NUDT1: variants seen among roughly 807,000 people sequenced by gnomAD.
NUDT1 encodes oxidized purine nucleoside triphosphate hydrolase.
In NUDT1, 16 loss-of-function variants were observed where a neutral mutation model predicts 11.3. The ratio of observed to expected loss-of-function variants is 1.41; its 90% CI spans 0.96 to 2.15. NUDT1 has a LOEUF of 2.15. NUDT1 is among the 30% of genes most tolerant of loss of function. The pLI, the probability that NUDT1 is intolerant of heterozygous loss-of-function variation, is 0.00. For synonymous variants in NUDT1, 101 were observed against 84.4 expected, an observed-to-expected ratio of 1.20 and a Z score of -1.08; for missense variants, 234 against 208.4, an observed-to-expected ratio of 1.12 and a Z score of -0.76.
rs370355629 is a variant in NUDT1, at chr7:2,249,985, C to A, written c.281C>A (p.Thr94Asn). Residue 94 changes from threonine (T) to asparagine (N), a missense_variant, in exon 3 of 4, where the codon ACC becomes AAC. Coordinates refer to ENST00000356714, the MANE Select transcript of NUDT1 (RefSeq NM_002452.4). ...TTCTGCACAGACAGCATCCAGGGGA[C>A]CCCCGTGGAGAGCGACGGTGAGTCT... is the stretch of plus-strand genomic sequence containing the variant. ...HVFCTDSIQG[T>N]PVESDEMRPC... The A allele has an allele frequency of 4.3e-6, 7 of 1,614,074 alleles. No homozygotes were observed. The highest frequency in any genetic ancestry group is 3.3e-5 in the South Asian group (3 of 91,086).
At chr7:2,244,900 A>C (rs184752010) in intron 2 of NUDT1, among the ~76,000 whole-genome samples, 174 bp downstream of exon 2, 2 of 152,298 alleles carry the variant, frequency 1.3e-5, no homozygotes, top group African/African-American at 2.4e-5. Flanking sequence ...AGCCCTTCGG[A>C]CTCTTGTGAA....
rs1221803598 is a variant in NUDT1 at position 2,244,501 on chromosome 7, CCCTGGCA to C, written c.-12-60_-12-54del. 3.1e-5 allele frequency: 45 copies of C among 1,460,528 alleles called. No homozygotes were observed. The African/African-American group carries it at 5.4e-4, about 18-fold the overall frequency. The allele number at this position is 1,460,528 out of a possible 1,614,324, so 90.5% of individuals were successfully genotyped here. On this transcript the variant is annotated intron_variant, in intron 1 of 3. Coordinates refer to ENST00000356714, the MANE Select transcript of NUDT1 (RefSeq NM_002452.4). The stretch of plus-strand genomic sequence containing the variant: ...CAGAGCACGTCCCCTTCCTCCTGGC[CCCTGGCA>C]CGTGCTTCCTCCACGCACGTCATGG...
At chr7:2,243,638 C>T (rs1040095349) in intron 1 of NUDT1, among the ~76,000 whole-genome samples, 2 of 152,156 alleles carry the variant, frequency 1.3e-5, no homozygotes, top group Non-Finnish European at 1.5e-5. Flanking sequence ...CTGGGTGTGG[C>T]GGCTCATGCC....
At chr7:2,249,703 G>A in intron 2 of NUDT1, 154 bp from the exon 3 acceptor site, 1 of 880,094 alleles carries the variant, frequency 1.1e-6, no homozygotes, top group African/African-American at 1.7e-5. Flanking sequence ...GTCGGGACCA[G>A]ATAATGCATT....
At chr7:2,242,666 C>G (rs567249553) in intron 1 of NUDT1, 171 of 382,654 alleles carry the variant, frequency 4.5e-4, no homozygotes, top group African/African-American at 2.8e-3. Flanking sequence ...CCTTGTCCTC[C>G]TCGAAGGGCG....
intron 1 of NUDT1, chr7:2,243,089 TCTC>T (rs1197610588): frequency 2.8e-6 from 2 of 705,460 alleles, no homozygotes; most frequent in African/African-American, 1.8e-5. Context: ...CAGCCTGGGC[TCTC>T]CTCTGACCGC....
At chr7:2,246,379 C>T (rs950301840) in intron 2 of NUDT1, among the ~76,000 whole-genome samples, 1 of 152,182 alleles carries the variant, frequency 6.6e-6, no homozygotes, top group African/African-American at 2.4e-5. Context: ...GGAAAATGCT[C>T]TGAGGGCCTG....
chr7:2,246,342 A>C (rs1036962358), intron 2 of NUDT1, among the ~76,000 whole-genome samples: 4 of 152,188 alleles, frequency 2.6e-5, no homozygotes, highest in South Asian at 4.2e-4. Flanking sequence ...CCTCCAGGAG[A>C]AAGGAAGGGA....
chr7:2,250,170 C>T (rs1794931572), intron 3 of NUDT1, among the ~76,000 whole-genome samples, 168 bp downstream of exon 3: 1 of 152,232 alleles, frequency 6.6e-6, no homozygotes, highest in Non-Finnish European at 1.5e-5. Context: ...GTCTCTGCAC[C>T]GAGGCTCCAG....
At chr7:2,244,316 G>A (rs956004868) in intron 1 of NUDT1, among the ~76,000 whole-genome samples, 7 of 152,104 alleles carry the variant, frequency 4.6e-5, no homozygotes, top group Non-Finnish European at 7.4e-5. Context: ...GGAAGGTAGC[G>A]CCGGCCTCTG....
intron 1 of NUDT1, among the ~76,000 whole-genome samples, chr7:2,243,402 C>G (rs1226414247): frequency 6.6e-6 from 1 of 152,212 alleles, no homozygotes; most frequent in Non-Finnish European, 1.5e-5. Flanking sequence ...CATCTGGTCC[C>G]TTTTCTCAGA....
chr7:2,244,002 G>A (rs569546005), intron 1 of NUDT1, among the ~76,000 whole-genome samples: 1 of 152,214 alleles, frequency 6.6e-6, no homozygotes, highest in South Asian at 2.1e-4. Context: ...TCACAGGAGG[G>A]AGGACTAGCC....
chr7:2,242,456 A>T, intron 1 of NUDT1, 200 bp downstream of exon 1: 1 of 492,614 alleles, frequency 2.0e-6, no homozygotes, highest in Non-Finnish European at 3.6e-6. Flanking sequence ...GGAGAGAGAC[A>T]AGGAGAGCGG....
intron 1 of NUDT1, chr7:2,242,622 C>A: frequency 3.0e-6 from 1 of 332,606 alleles, no homozygotes; most frequent in South Asian, 5.6e-5. Flanking sequence ...GCCTCCGCCA[C>A]CAGGACCCAG....
chr7:2,242,888 C>T, intron 1 of NUDT1: 1 of 701,486 alleles, frequency 1.4e-6, no homozygotes, highest in Admixed American at 2.0e-5. Flanking sequence ...AGACTCCCTG[C>T]CTTATCGCAA....
Position 2,249,940 on chromosome 7 carries a change from A to G in NUDT1, c.236A>G (p.Glu79Gly). 1.2e-6 allele frequency: 2 copies of G among 1,614,184 alleles called. No homozygotes were observed. The highest frequency in any genetic ancestry group is 1.7e-6 in the Non-Finnish European group (2 of 1,180,016). ...QIVFEFVGEP[E>G]LMDVHVFCTD... Reference sequence around the variant, plus strand: ...GTGTTTGAGTTCGTGGGCGAGCCTGAGCTCATGGACGTGCATGTCTTCTGC... The same window carrying G: ...GTGTTTGAGTTCGTGGGCGAGCCTGGGCTCATGGACGTGCATGTCTTCTGC... The change falls in exon 3 of 4, where the codon GAG (glutamate) becomes GGG (glycine). Residue 79 changes from glutamate (E) to glycine (G), a missense_variant. Glu to Gly is a moderately conservative substitution (Grantham distance 98). Transcript: ENST00000356714.
At chr7:2,246,818 T>C (rs961068307) in intron 2 of NUDT1, among the ~76,000 whole-genome samples, 6 of 152,112 alleles carry the variant, frequency 3.9e-5, no homozygotes, top group African/African-American at 9.7e-5. Flanking sequence ...GGTTTCACCA[T>C]GTTGGCCAGG....
At position 2,244,684 on chromosome 7, in the gene NUDT1, G is replaced by A. The variant is rs1472943073; in HGVS notation, c.110G>A (p.Gly37Asp). Residue 37 changes from glycine (G) to aspartate (D), a missense_variant, in exon 2 of 4, where the codon GGC becomes GAC. Physicochemically the swap from Gly to Asp is moderately conservative, Grantham distance 94. Transcript: ENST00000356714. ...GCCGGCCGGTGGAATGGCTTTGGGG[G>A]CAAAGTGCAAGAAGGAGAGACCATC... ...FGAGRWNGFG[G>D]KVQEGETIED... is the part of the protein sequence containing the mutation. 1 of 1,612,870 alleles carries A rather than the reference G, an allele frequency of 6.2e-7. No individual in the cohort carries two copies. The highest frequency in any genetic ancestry group is 1.7e-5 in the Admixed American group (1 of 59,776).
intron 2 of NUDT1, among the ~76,000 whole-genome samples, chr7:2,248,547 CTTTTTTTTT>C (rs11393832): frequency 8.2e-6 from 1 of 122,604 alleles, no homozygotes; most frequent in Non-Finnish European, 1.7e-5. Flanking sequence ...ATGATGTTTG[CTTTTTTTTT>C]TTTTTTTTTT....
Sources: allele counts gnomAD v4.1 joint callset (sites outside exome capture counted in the v4.1 genomes callset), GRCh38; gene constraint gnomAD v4.1.1; transcripts MANE v1.5; gene names NCBI Gene and HGNC (gene_info 2026-07-23, HGNC 2026-07-21).